Variants in HSD11B2 observed in about 807,000 individuals in gnomAD.
The protein encoded by HSD11B2 is 11-beta-hydroxysteroid dehydrogenase type 2.
Under a neutral mutation model 20.9 loss-of-function variants are expected in HSD11B2, and 17 were observed. The observed-to-expected ratio is 0.81, with a 90% confidence interval of 0.56 to 1.22. The LOEUF (loss-of-function observed/expected upper bound fraction) is 1.22, where lower values mean the gene tolerates loss of function less well. Among genes scored for constraint, HSD11B2 ranks in the 50% most tolerant of loss-of-function variants. HSD11B2 has a pLI of 0.00. For synonymous variants in HSD11B2, 253 were observed against 255.4 expected (o/e 0.99, Z 0.09); for missense variants, 480 against 563.6 (o/e 0.85, Z 1.50).
rs761242831 is a variant in HSD11B2, at chr16:67,431,237, C to A, written c.-12C>A. ...GCCCCCGCCCCGCCCCGCCCCAGCC[C>A]GCTGGGCCGCCATGGAGCGCTGGCC... is the stretch of plus-strand genomic sequence containing the variant. On this transcript the variant is annotated 5_prime_UTR_variant, in exon 1 of 5. Transcript: ENST00000326152. 8.3e-7 allele frequency: 1 copy of A among 1,201,110 alleles called. No homozygotes were observed. The highest frequency in any genetic ancestry group is 3.0e-5 in the South Asian group (1 of 32,962). 74.4% of individuals were successfully genotyped at this position (1,201,110 alleles called of 1,614,324 possible).
At chr16:67,435,384 G>A (rs989508081) in intron 1 of HSD11B2, 1 of 611,114 alleles carries the variant, frequency 1.6e-6, no homozygotes, top group Non-Finnish European at 2.9e-6. Flanking sequence ...TCTTCTGTAA[G>A]CCACATTAGT....
rs2040975344 is a variant in HSD11B2, at chr16:67,436,534, T to C, written c.803-54T>C. ...CCTGGCGCGGGTTAAACAGTCCTAA[T>C]TGGCTTTGGCTCCCCTAGCTGATCC... is the stretch of plus-strand genomic sequence containing the variant. On this transcript the variant is annotated intron_variant, in intron 4 of 4. Coordinates refer to ENST00000326152, the MANE Select transcript of HSD11B2 (RefSeq NM_000196.4). The surrounding 1 kb of genome is among the most constrained non-coding windows in gnomAD (Gnocchi z 5.7). 5 of 1,607,118 alleles carry C rather than the reference T, an allele frequency of 3.1e-6. No individual in the cohort carries two copies. The South Asian group carries it at 3.3e-5, about 11-fold the overall frequency.
Position 67,437,123 on chromosome 16 carries a change from C to A in HSD11B2, c.*120C>A, listed in dbSNP as rs1040341291. 40 of 1,085,178 alleles carry A rather than the reference C, an allele frequency of 3.7e-5. No individual in the cohort carries two copies. Among genetic ancestry groups the A allele is most frequent in the Non-Finnish European group, 5.0e-5 (38 of 759,082 alleles). The allele number at this position is 1,085,178 out of a possible 1,614,324, so 67.2% of individuals were successfully genotyped here. On this transcript the variant is annotated 3_prime_UTR_variant, in exon 5 of 5. Coordinates refer to ENST00000326152, the MANE Select transcript of HSD11B2 (RefSeq NM_000196.4). ...TGTCCTGGACCCTGGCCTAAAGAAT[C>A]CCACCCCCACTTCATGCCCACTGCC...
rs2040980371 is a variant in HSD11B2 at position 67,436,891 on chromosome 16, G to A, written c.1106G>A (p.Ser369Asn). The A allele has an allele frequency of 2.5e-6, 4 of 1,613,394 alleles. No individual in the cohort carries two copies. The highest frequency in any genetic ancestry group is 1.7e-6 in the Non-Finnish European group (2 of 1,180,010). Residue 369 changes from serine to asparagine, a missense_variant, in exon 5 of 5, where the codon AGT becomes AAT. Ser to Asn is a conservative substitution (Grantham distance 46). Transcript: ENST00000326152. This position sits in a 1 kb window ranked among gnomAD's most constrained non-coding sequence, Gnocchi z 5.7. ...RRRFLQAFFI[S>N]HCLPRALQPG... Reference sequence around the variant, plus strand: ...CGCTTCCTGCAGGCCTTCTTCATCAGTCACTGTCTGCCTCGAGCACTGCAG... The same window carrying A: ...CGCTTCCTGCAGGCCTTCTTCATCAATCACTGTCTGCCTCGAGCACTGCAG...
At chr16:67,430,475 A>C (rs2040921803), upstream of HSD11B2, among the ~76,000 whole-genome samples, 2 of 151,960 alleles carry the variant, frequency 1.3e-5, no homozygotes, top group Non-Finnish European at 2.9e-5. This position sits in a 1 kb window ranked among gnomAD's most constrained non-coding sequence, Gnocchi z 5.4. Flanking sequence ...CGGGGCAGAG[A>C]CTCCAAGAAC....
chr16:67,437,115 T>A lies in HSD11B2; in HGVS notation c.*112T>A. 1 of 1,169,414 alleles carries A rather than the reference T, an allele frequency of 8.6e-7. No homozygotes were observed. Among genetic ancestry groups the A allele is most frequent in the Non-Finnish European group, 1.2e-6 (1 of 832,666 alleles). 72.4% of individuals were successfully genotyped at this position (1,169,414 alleles called of 1,614,324 possible). A position where few individuals can be genotyped will look rare whatever the true frequency, so the allele number is the denominator to read the frequency against. Reference sequence around the variant, plus strand: ...CCCCCAAGTGTCCTGGACCCTGGCCTAAAGAATCCCACCCCCACTTCATGC... The same window carrying A: ...CCCCCAAGTGTCCTGGACCCTGGCCAAAAGAATCCCACCCCCACTTCATGC... On this transcript the variant is annotated 3_prime_UTR_variant, in exon 5 of 5. Coordinates refer to ENST00000326152, the MANE Select transcript of HSD11B2 (RefSeq NM_000196.4).
chr16:67,435,100 A>G (rs953978379), intron 1 of HSD11B2, among the ~76,000 whole-genome samples: 1 of 148,966 alleles, frequency 6.7e-6, no homozygotes, highest in African/African-American at 2.5e-5. Context: ...GCTACTCAGG[A>G]GACCGAGGAG....
Position 67,436,183 on chromosome 16 carries a change from G to A in HSD11B2, c.664+41G>A, listed in dbSNP as rs2040970397. 6.2e-7 allele frequency: 1 copy of A among 1,613,742 alleles called. No individual in the cohort carries two copies. The highest frequency in any genetic ancestry group is 8.5e-7 in the Non-Finnish European group (1 of 1,179,834). On this transcript the variant is annotated intron_variant, in intron 3 of 4. Transcript: ENST00000326152. The surrounding 1 kb of genome is among the most constrained non-coding windows in gnomAD (Gnocchi z 5.7). ...CACTGGAGCAAAAAGGAGCCCCCTG[G>A]GGTGGGGGAGGGCTTAGGGAGCCCC...
At position 67,436,661 on chromosome 16, in the gene HSD11B2, G is replaced by T; in HGVS notation, c.876G>T (p.Leu292=). The T allele has an allele frequency of 6.2e-7, 1 of 1,614,200 alleles. No homozygotes were observed. Among genetic ancestry groups the T allele is most frequent in the South Asian group, 1.1e-5 (1 of 91,092 alleles). The change falls in exon 5 of 5, where the codon CTG becomes CTT. Residue 292 remains leucine (L), a synonymous_variant. Transcript: ENST00000326152. The surrounding 1 kb of genome is among the most constrained non-coding windows in gnomAD (Gnocchi z 5.7). ...LLLANLPQEL[L]QAYGKDYIEH... ...TGGCCAACCTGCCTCAAGAGCTGCT[G>T]CAGGCCTACGGCAAGGACTACATCG...
rs748368829 is a variant in HSD11B2 at position 67,436,981 on chromosome 16, C to G, written c.1196C>G (p.Pro399Arg). The G allele has an allele frequency of 6.2e-7, 1 of 1,610,082 alleles. No homozygotes were observed. Among genetic ancestry groups the G allele is most frequent in the Non-Finnish European group, 8.5e-7 (1 of 1,179,994 alleles). ...CAGGACCCAAACCTGAGCCCCGGCC[C>G]TTCCCCAGCAGTGGCTCGGTGAGCC... ...AAQDPNLSPG[P>R]SPAVAR The change falls in exon 5 of 5, where the codon CCT (proline) becomes CGT (arginine). Residue 399 changes from proline (P) to arginine (R), a missense_variant. Transcript: ENST00000326152. The surrounding 1 kb of genome is among the most constrained non-coding windows in gnomAD (Gnocchi z 5.7).
intron 1 of HSD11B2, among the ~76,000 whole-genome samples, chr16:67,434,402 C>T (rs1299484263): frequency 6.6e-6 from 1 of 152,166 alleles, no homozygotes; most frequent in Non-Finnish European, 1.5e-5. Flanking sequence ...AGCCAGGGAG[C>T]TTGGGCTTCA....
At position 67,431,425 on chromosome 16, in the gene HSD11B2, C is replaced by G; in HGVS notation, c.177C>G (p.Ala59=). ...QRLLPPPAAL[A]VLAAAGWIAL... is the part of the protein sequence containing the mutation. Reference sequence around the variant, plus strand: ...TGCTGCCCCCGCCGGCCGCACTCGCCGTGCTGGCCGCCGCCGGCTGGATCG... The same window carrying G: ...TGCTGCCCCCGCCGGCCGCACTCGCGGTGCTGGCCGCCGCCGGCTGGATCG... Residue 59 remains alanine, a synonymous_variant, in exon 1 of 5, where the codon GCC becomes GCG. Transcript: ENST00000326152. 1 of 1,308,616 alleles carries G rather than the reference C, an allele frequency of 7.6e-7. No individual in the cohort carries two copies. Among genetic ancestry groups the G allele is most frequent in the Non-Finnish European group, 9.7e-7 (1 of 1,031,494 alleles). The allele number at this position is 1,308,616 out of a possible 1,614,324, so 81.1% of individuals were successfully genotyped here.
At chr16:67,435,497 G>A in intron 1 of HSD11B2, 131 bp from the exon 2 acceptor site, 1 of 740,696 alleles carries the variant, frequency 1.4e-6, no homozygotes, top group Non-Finnish European at 2.4e-6. Context: ...TAGGGAAGGA[G>A]TTAGGGTTGT....
rs770880797 is a variant in HSD11B2 at position 67,436,805 on chromosome 16, C to T, written c.1020C>T (p.Pro340=). 12 of 1,613,728 alleles carry T rather than the reference C, an allele frequency of 7.4e-6. No individual in the cohort carries two copies. Among genetic ancestry groups the T allele is most frequent in the South Asian group, 4.4e-5 (4 of 91,092 alleles). Residue 340 remains proline, a synonymous_variant, in exon 5 of 5, where the codon CCC becomes CCT. Transcript: ENST00000326152. This position sits in a 1 kb window ranked among gnomAD's most constrained non-coding sequence, Gnocchi z 5.7. The stretch of plus-strand genomic sequence containing the variant: ...CTCGGCCCCGCCGCCGCTATTACCC[C>T]GGCCAGGGCCTGGGGCTCATGTACT... ...LAARPRRRYY[P]GQGLGLMYFI... is the part of the protein sequence containing the mutation.
Position 67,436,857 on chromosome 16 carries a change from C to T in HSD11B2, c.1072C>T (p.Leu358=), listed in dbSNP as rs149889029. The T allele has an allele frequency of 4.6e-5, 75 of 1,613,664 alleles. 1 individual carries two copies. In the African/African-American group the frequency reaches 8.5e-4, roughly 18 times the overall value. The change falls in exon 5 of 5, where the codon CTG becomes TTG. Residue 358 remains leucine, a synonymous_variant. Coordinates refer to ENST00000326152, the MANE Select transcript of HSD11B2 (RefSeq NM_000196.4). This position sits in a 1 kb window ranked among gnomAD's most constrained non-coding sequence, Gnocchi z 5.7. ...YFIHYYLPEG[L]RRRFLQAFFI... The stretch of plus-strand genomic sequence containing the variant: ...CATCCACTACTACCTGCCTGAAGGC[C>T]TGCGGCGCCGCTTCCTGCAGGCCTT...
intron 1 of HSD11B2, 63 bp downstream of exon 1, chr16:67,431,576 A>C: frequency 8.0e-7 from 1 of 1,254,726 alleles, no homozygotes; most frequent in Non-Finnish European, 1.0e-6. Flanking sequence ...GACACTCAAC[A>C]GGACTGACTC....
At position 67,435,621 on chromosome 16, in the gene HSD11B2, T is replaced by G. The variant is rs752352550; in HGVS notation, c.266-7T>G. 6.8e-6 allele frequency: 11 copies of G among 1,611,482 alleles called. No homozygotes were observed. The highest frequency in any genetic ancestry group is 9.3e-6 in the Non-Finnish European group (11 of 1,178,468). Reference sequence around the variant, plus strand: ...TGGAAGTTCACTGACTGCCCTGGCCTGGCCAGGCTGTGACTCTGGTTTTGG... The same window carrying G: ...TGGAAGTTCACTGACTGCCCTGGCCGGGCCAGGCTGTGACTCTGGTTTTGG... On this transcript the variant is annotated splice_polypyrimidine_tract_variant and splice_region_variant and intron_variant, in intron 1 of 4. Coordinates refer to ENST00000326152, the MANE Select transcript of HSD11B2 (RefSeq NM_000196.4).
In HSD11B2 at chr16:67,435,753, C is replaced by T. The variant is rs781425510; in HGVS notation, c.391C>T (p.Arg131Cys). 1.5e-5 allele frequency: 24 copies of T among 1,613,964 alleles called. No individual in the cohort carries two copies. The highest frequency in any genetic ancestry group is 2.0e-5 in the Non-Finnish European group (24 of 1,180,024). The change falls in exon 2 of 5, where the codon CGC becomes TGC. Residue 131 changes from arginine to cysteine, a missense_variant. Arg to Cys is a radical substitution (Grantham distance 180). This residue lies in a region of HSD11B2 where 374 missense variants were observed against 480.9 expected (regional missense o/e 0.78). Transcript: ENST00000326152. ...CGAGCTGCGTACCTGCTGCTCCCCT[C>T]GCCTAAGGCTGCTGCAGATGGACCT... ...AIELRTCCSP[R>C]LRLLQMDLTK...
rs2040967874 is a variant in HSD11B2 at position 67,436,039 on chromosome 16, C to T, written c.561C>T (p.Ser187=). The part of the protein sequence containing the change: ...AELSPVATFR[S]CMEVNFFGAL... ...TGTCTCCAGTGGCCACTTTCCGTAG[C>T]TGCATGGAGGTGAATTTCTTTGGCG... The change falls in exon 3 of 5, where the codon AGC becomes AGT. Residue 187 remains serine, a synonymous_variant. Transcript: ENST00000326152. This position sits in a 1 kb window ranked among gnomAD's most constrained non-coding sequence, Gnocchi z 5.7. The T allele has an allele frequency of 3.7e-6, 6 of 1,614,134 alleles. No homozygotes were observed. The highest frequency in any genetic ancestry group is 3.3e-5 in the Admixed American group (2 of 60,016).
Sources: allele counts gnomAD v4.1 joint callset (sites outside exome capture counted in the v4.1 genomes callset), GRCh38; gene constraint gnomAD v4.1.1; regional missense constraint gnomAD v4.1.1; non-coding constraint Gnocchi (gnomAD v3.1); transcripts MANE v1.5; gene names NCBI Gene and HGNC (gene_info 2026-07-23, HGNC 2026-07-21).